Variants in ZNF208 observed in about 807,000 individuals in gnomAD.
ZNF208 encodes the protein zinc finger protein 208.
Under a neutral mutation model 12.1 loss-of-function variants are expected in ZNF208, and 10 were observed. That is an observed-to-expected ratio of 0.83 (90% CI 0.51 to 1.40). The LOEUF is 1.40. Ranked by LOEUF, ZNF208 falls within the 40% of genes most tolerant of loss-of-function variation. ZNF208 has a pLI of 0.00. For synonymous variants in ZNF208, 497 were observed against 488.4 expected, an observed-to-expected ratio of 1.02 and a Z score of -0.23; for missense variants, 1,652 against 1,485.0, an observed-to-expected ratio of 1.11 and a Z score of -1.85.
At chr19:21,987,921 C>T (rs538546990) in intron 2 of ZNF208, among the ~76,000 whole-genome samples, 2 of 152,280 alleles carry the variant, frequency 1.3e-5, no homozygotes, top group African/African-American at 4.8e-5. Context: ...GGTCCCCTGG[C>T]ACCCCACCCT....
At position 21,987,199 on chromosome 19, in the gene ZNF208, T is replaced by C; in HGVS notation, c.226+17A>G. On this transcript the variant is annotated intron_variant, in intron 3 of 3. Coordinates refer to ENST00000397126, the MANE Select transcript of ZNF208 (RefSeq NM_007153.3). ...TTCGACCTCTCATCCATGTTGTCTG[T>C]ATTCACTCTCACCTACCTGGGGATT... 6.2e-7 allele frequency: 1 copy of C among 1,607,852 alleles called. No homozygotes were observed. The highest frequency in any genetic ancestry group is 8.5e-7 in the Non-Finnish European group (1 of 1,177,648).
chr19:22,003,552 A>G (rs558069299), intron 1 of ZNF208, among the ~76,000 whole-genome samples: 4 of 152,032 alleles, frequency 2.6e-5, no homozygotes, highest in Non-Finnish European at 4.4e-5. Flanking sequence ...GGAGACAAAC[A>G]TGTGGCTAAC....
chr19:22,009,042 T>A (rs377135938), intron 1 of ZNF208, among the ~76,000 whole-genome samples: 2 of 152,192 alleles, frequency 1.3e-5, no homozygotes, highest in Non-Finnish European at 2.9e-5. Flanking sequence ...CATCTCCCTA[T>A]AAAGTTTCCA....
chr19:21,995,861 T>C (rs1599629733), intron 1 of ZNF208, among the ~76,000 whole-genome samples: 1 of 152,146 alleles, frequency 6.6e-6, no homozygotes, highest in African/African-American at 2.4e-5. Context: ...TGTGAAAAGG[T>C]CAAAAAGCCA....
At position 21,982,231 on chromosome 19, in the gene ZNF208, G is replaced by A. The variant is rs552528498; in HGVS notation, c.226+4985C>T. Among the ~76,000 whole-genome samples the A allele has an allele frequency of 1.3e-4, 19 of 151,794 alleles. No homozygotes were observed. In the South Asian group the frequency reaches 2.1e-3, roughly 17 times the overall value. On this transcript the variant is annotated intron_variant, in intron 3 of 3. Coordinates refer to ENST00000397126, the MANE Select transcript of ZNF208 (RefSeq NM_007153.3). ...AAATTAGCCGGGCATGGTGGCAGGC[G>A]CCTGTAGTCCCAGCTACTCGGGAGG...
At position 21,972,080 on chromosome 19, in the gene ZNF208, A is replaced by C; in HGVS notation, c.2954T>G (p.Phe985Cys). The change falls in exon 4 of 4, where the codon TTC (phenylalanine) becomes TGC (cysteine). Residue 985 changes from phenylalanine (F) to cysteine (C), a missense_variant. By Grantham distance (205) the Phe-to-Cys change is radical. This residue lies in a region of ZNF208 where 1,239 missense variants were observed against 1,086.2 expected (regional missense o/e 1.14). Coordinates refer to ENST00000397126, the MANE Select transcript of ZNF208 (RefSeq NM_007153.3). ...TACCTTATGTTTAGTAAGGATTGAG[A>C]ATGTACTAAAGCCTTTGCCACATTC... ...YEECGKGFST[F>C]SILTKHKVIH... 1 of 1,612,658 alleles carries C rather than the reference A, an allele frequency of 6.2e-7. No homozygotes were observed. Among genetic ancestry groups the C allele is most frequent in the Non-Finnish European group, 8.5e-7 (1 of 1,179,532 alleles).
rs1970208476 is a variant in ZNF208, at chr19:21,968,298, A to C, written c.*2893T>G. On this transcript the variant is annotated 3_prime_UTR_variant, in exon 4 of 4. Coordinates refer to ENST00000397126, the MANE Select transcript of ZNF208 (RefSeq NM_007153.3). ...ATTCTTATTTTTATTCTCATGGAGA[A>C]TGCTTCCAGTTTTTGCTCTTTTAGT... 1 of 152,118 alleles carries C rather than the reference A, an allele frequency of 6.6e-6. No individual in the cohort carries two copies. The highest frequency in any genetic ancestry group is 2.1e-4 in the South Asian group (1 of 4,826). 9.4% of individuals were successfully genotyped at this position (152,118 alleles called of 1,614,324 possible). A position where few individuals can be genotyped will look rare whatever the true frequency, so the allele number is the denominator to read the frequency against.
At position 22,010,819 on chromosome 19, in the gene ZNF208, C is replaced by A. The variant is rs145242678; in HGVS notation, c.-25G>T. ...TTTCTAGGCTTCCAGGGGGTCCTGG[C>A]GACTTAGTTGTGGATCTCCCAATAC... On this transcript the variant is annotated 5_prime_UTR_variant, in exon 1 of 4. Transcript: ENST00000397126. The A allele has an allele frequency of 5.0e-6, 8 of 1,613,844 alleles. No homozygotes were observed. The highest frequency in any genetic ancestry group is 2.7e-5 in the African/African-American group (2 of 74,908).
chr19:21,990,697 A>G (rs1361734148), intron 1 of ZNF208, among the ~76,000 whole-genome samples: 1 of 152,206 alleles, frequency 6.6e-6, no homozygotes, highest in African/African-American at 2.4e-5. Flanking sequence ...TAAAATACCT[A>G]GTATGGCCAT....
chr19:21,978,166 C>T (rs1236622115), intron 3 of ZNF208, among the ~76,000 whole-genome samples: 3 of 152,178 alleles, frequency 2.0e-5, no homozygotes, highest in African/African-American at 7.2e-5. Flanking sequence ...CTTAAACATC[C>T]CTGCTGGACA....
chr19:21,982,724 T>C (rs1159596744), intron 3 of ZNF208, among the ~76,000 whole-genome samples: 1 of 152,112 alleles, frequency 6.6e-6, no homozygotes, highest in Non-Finnish European at 1.5e-5. Flanking sequence ...TCTACAACCA[T>C]CTGATCTTTG....
chr19:21,942,631 G>C (rs1364835289), intron 4 of ZNF208, among the ~76,000 whole-genome samples: 1 of 152,028 alleles, frequency 6.6e-6, no homozygotes, highest in Non-Finnish European at 1.5e-5. Context: ...CAGTGTGTTT[G>C]TATGACTTTT....
chr19:22,008,097 G>A (rs1446596375), intron 1 of ZNF208, among the ~76,000 whole-genome samples: 1 of 151,004 alleles, frequency 6.6e-6, no homozygotes, highest in Admixed American at 6.6e-5. Context: ...AAGGTCAGGA[G>A]TTCGAGAACA....
chr19:21,946,278 G>C (rs1478156182), intron 4 of ZNF208, among the ~76,000 whole-genome samples: 2 of 152,082 alleles, frequency 1.3e-5, no homozygotes, highest in African/African-American at 4.8e-5. Flanking sequence ...ATAGGTTCTG[G>C]GCCAACATGA....
At chr19:21,998,021 T>C (rs1305069808) in intron 1 of ZNF208, 2 of 151,796 alleles carry the variant, frequency 1.3e-5, no homozygotes, top group African/African-American at 2.4e-5. Flanking sequence ...AGAAAATATT[T>C]CCCTAAGAAG....
intron 3 of ZNF208, among the ~76,000 whole-genome samples, chr19:21,983,040 G>A (rs550248535): frequency 3.3e-5 from 5 of 152,190 alleles, no homozygotes; most frequent in African/African-American, 1.2e-4. Context: ...AAGAGCTTCT[G>A]CACAGCAAAA....
Position 21,973,087 on chromosome 19 carries a change from G to T in ZNF208, c.1947C>A (p.Val649=). Residue 649 remains valine, a synonymous_variant, in exon 4 of 4, where the codon GTC becomes GTA. Transcript: ENST00000397126. ...TTGCCTTATGTGTAGTAAGGGTTGA[G>T]ACCTTAATAAAGGTTTTGCCACATT... ...CKECGKTFIK[V]STLTTHKAIH... The T allele has an allele frequency of 6.2e-7, 1 of 1,600,606 alleles. No homozygotes were observed. Among genetic ancestry groups the T allele is most frequent in the Non-Finnish European group, 8.5e-7 (1 of 1,172,026 alleles).
intron 1 of ZNF208, among the ~76,000 whole-genome samples, chr19:21,997,357 G>A (rs1477901174): frequency 6.6e-6 from 1 of 152,194 alleles, no homozygotes; most frequent in South Asian, 2.1e-4. Context: ...CTTCATGACT[G>A]GAGGTAGTTT....
At chr19:22,006,606 G>A (rs1019052069) in intron 1 of ZNF208, among the ~76,000 whole-genome samples, 4 of 152,052 alleles carry the variant, frequency 2.6e-5, no homozygotes, top group Admixed American at 2.0e-4. Context: ...CCATGGCTGC[G>A]GTAAGCAGGC....
Sources: gnomAD v4.1 joint callset for allele counts (sites outside exome capture counted in the v4.1 genomes callset) on GRCh38, gnomAD v4.1.1 for gene constraint, gnomAD v4.1.1 regional missense constraint, MANE v1.5 for transcripts, NCBI Gene and HGNC (gene_info 2026-07-23, HGNC 2026-07-21) for gene names.